The following CHRM3 variants were observed in gnomAD, a reference collection of about 807,000 sequenced individuals.
CHRM3 encodes the protein cholinergic receptor muscarinic 3, also known as muscarinic acetylcholine receptor M3.
Under a neutral mutation model 41.8 loss-of-function variants are expected in CHRM3, and 11 were observed. That is an observed-to-expected ratio of 0.26 (90% CI 0.17 to 0.44). The LOEUF (loss-of-function observed/expected upper bound fraction) is 0.44. Ranked by LOEUF, CHRM3 falls within the 20% of genes least tolerant of loss-of-function variation. The pLI, the probability that CHRM3 is intolerant of heterozygous loss-of-function variation, is 1.00. For synonymous variants in CHRM3, 297 were observed against 301.4 expected (o/e 0.99, Z 0.15); for missense variants, 571 against 745.4 (o/e 0.77, Z 2.72).
At chr1:239,394,059 A>G (rs1226405990) in intron 1 of CHRM3, among the ~76,000 whole-genome samples, 1 of 152,228 alleles carries the variant, frequency 6.6e-6, no homozygotes, top group East Asian at 1.9e-4. Context: ...TGTTTTGGAT[A>G]CACAGTAAGT....
chr1:239,740,205 G>C (rs1297375238), intron 5 of CHRM3, among the ~76,000 whole-genome samples: 1 of 152,078 alleles, frequency 6.6e-6, no homozygotes, highest in African/African-American at 2.4e-5. Flanking sequence ...AACGGAATAG[G>C]ATATACTCTA....
chr1:239,602,694 T>C (rs988458427), intron 3 of CHRM3, among the ~76,000 whole-genome samples: 8 of 152,204 alleles, frequency 5.3e-5, no homozygotes, highest in African/African-American at 1.9e-4. Context: ...TCATCTGGCA[T>C]TGAATTATCA....
At chr1:239,637,184 T>A (rs1012827150) in intron 4 of CHRM3, among the ~76,000 whole-genome samples, 1 of 152,170 alleles carries the variant, frequency 6.6e-6, no homozygotes, top group Non-Finnish European at 1.5e-5. Flanking sequence ...TCTTGATCAA[T>A]GGTCTTATCA....
intron 6 of CHRM3, among the ~76,000 whole-genome samples, chr1:239,849,654 A>C (rs1674541115): frequency 6.6e-6 from 1 of 152,190 alleles, no homozygotes; most frequent in East Asian, 1.9e-4. Context: ...TTTTTGAAGC[A>C]GGGTGATCTT....
chr1:239,864,166 G>A (rs569873670), intron 6 of CHRM3, among the ~76,000 whole-genome samples: 1 of 152,064 alleles, frequency 6.6e-6, no homozygotes, highest in African/African-American at 2.4e-5. Flanking sequence ...GCTAGTCCAG[G>A]AGGCAACATA....
chr1:239,633,132 T>C (rs577973988), intron 4 of CHRM3, among the ~76,000 whole-genome samples: 1 of 152,230 alleles, frequency 6.6e-6, no homozygotes, highest in East Asian at 1.9e-4. Flanking sequence ...CCACCATGCC[T>C]GGCTAATTTT....
chr1:239,448,291 T>C (rs956349199), intron 1 of CHRM3, among the ~76,000 whole-genome samples: 4 of 152,230 alleles, frequency 2.6e-5, no homozygotes, highest in Non-Finnish European at 5.9e-5. Flanking sequence ...CTGTAGGTTC[T>C]GTAAGGGAGA....
At chr1:239,710,753 A>G (rs950148696) in intron 5 of CHRM3, among the ~76,000 whole-genome samples, 9 of 152,184 alleles carry the variant, frequency 5.9e-5, no homozygotes, top group African/African-American at 1.9e-4. Flanking sequence ...CTAAGCATAA[A>G]GAAAATAAGT....
At chr1:239,872,947 T>C (rs2149329044) in intron 6 of CHRM3, among the ~76,000 whole-genome samples, 1 of 152,266 alleles carries the variant, frequency 6.6e-6, no homozygotes, top group Non-Finnish European at 1.5e-5. Flanking sequence ...TATTTTTTTT[T>C]TCTTCCTAAA....
chr1:239,718,305 C>T (rs1298635020), intron 5 of CHRM3, among the ~76,000 whole-genome samples: 3 of 151,884 alleles, frequency 2.0e-5, no homozygotes, highest in African/African-American at 7.3e-5. Flanking sequence ...ATAAATTCAC[C>T]ATGGAATGTG....
chr1:239,700,132 A>G (rs1308501884), intron 5 of CHRM3, among the ~76,000 whole-genome samples: 1 of 152,140 alleles, frequency 6.6e-6, no homozygotes, highest in Non-Finnish European at 1.5e-5. Context: ...CTAAGTAACA[A>G]CTACTGGACT....
chr1:239,617,291 C>A (rs2148787938), intron 3 of CHRM3, among the ~76,000 whole-genome samples: 1 of 152,274 alleles, frequency 6.6e-6, no homozygotes, highest in East Asian at 1.9e-4. Flanking sequence ...CCTCGGACAT[C>A]CAGTAGAATC....
chr1:239,558,656 C>T (rs372666511), intron 3 of CHRM3, among the ~76,000 whole-genome samples: 2 of 152,312 alleles, frequency 1.3e-5, no homozygotes, highest in East Asian at 3.9e-4. Flanking sequence ...CACAGTCAAA[C>T]GTTCTAAGCT....
chr1:239,415,855 TA>T (rs1273292941), intron 1 of CHRM3, among the ~76,000 whole-genome samples: 1 of 152,204 alleles, frequency 6.6e-6, no homozygotes, highest in African/African-American at 2.4e-5. Context: ...GATGCTGATT[TA>T]GTGGTCTTAT....
intron 5 of CHRM3, among the ~76,000 whole-genome samples, chr1:239,743,316 T>C (rs11578320): frequency 0.057 from 8,609 of 152,268 alleles, 345 homozygotes; most frequent in Non-Finnish European, 0.085. Flanking sequence ...TTGTCTAATA[T>C]GTACTCTCTC....
intron 5 of CHRM3, among the ~76,000 whole-genome samples, chr1:239,694,090 T>C (rs1311788948): frequency 6.6e-6 from 1 of 152,174 alleles, no homozygotes; most frequent in African/African-American, 2.4e-5. Flanking sequence ...CCGTTAGATA[T>C]CTATGGAGCT....
chr1:239,860,106 A>C (rs1675514399), intron 6 of CHRM3, among the ~76,000 whole-genome samples: 1 of 152,074 alleles, frequency 6.6e-6, no homozygotes, highest in Non-Finnish European at 1.5e-5. Context: ...GCAGCCTAAA[A>C]AATTGGCAGA....
chr1:239,674,338 T>A (rs1420891100), intron 4 of CHRM3, among the ~76,000 whole-genome samples: 3 of 152,166 alleles, frequency 2.0e-5, no homozygotes, highest in Non-Finnish European at 4.4e-5. Flanking sequence ...TTTGCAAATG[T>A]CATCTTCATT....
chr1:239,733,577 T>C (rs1468099614), intron 5 of CHRM3, among the ~76,000 whole-genome samples: 1 of 152,046 alleles, frequency 6.6e-6, no homozygotes, highest in Non-Finnish European at 1.5e-5. Flanking sequence ...GCTATCAGGC[T>C]CTGGAGATGC....
Sources: allele counts gnomAD v4.1 joint callset (sites outside exome capture counted in the v4.1 genomes callset), GRCh38; gene constraint gnomAD v4.1.1; transcripts MANE v1.5; gene names NCBI Gene and HGNC (gene_info 2026-07-23, HGNC 2026-07-21).